The following IGSF9B variants were observed in gnomAD, a reference collection of about 807,000 sequenced individuals.
IGSF9B encodes the protein immunoglobulin superfamily member 9B.
A neutral mutation model predicts 143.7 loss-of-function variants in IGSF9B; 48 were observed. That is an observed-to-expected ratio of 0.33 (90% CI 0.26 to 0.42). The LOEUF (loss-of-function observed/expected upper bound fraction) is 0.42. Ranked by LOEUF, IGSF9B falls within the 20% of genes least tolerant of loss-of-function variation. IGSF9B has a pLI of 1.00. For synonymous variants in IGSF9B, 903 were observed against 833.1 expected (o/e 1.08, Z -1.44); for missense variants, 1,706 against 1,980.0 (o/e 0.86, Z 2.63).
At chr11:133,943,901 C>G (rs1453345144) in intron 3 of IGSF9B, among the ~76,000 whole-genome samples, 1 of 152,172 alleles carries the variant, frequency 6.6e-6, no homozygotes, top group Non-Finnish European at 1.5e-5. Context: ...CAGCGGTGAC[C>G]CATTTTGCCA....
chr11:133,927,473 C>A (rs1195207783), intron 12 of IGSF9B, among the ~76,000 whole-genome samples: 3 of 152,194 alleles, frequency 2.0e-5, no homozygotes, highest in Non-Finnish European at 4.4e-5. Context: ...TCAACAGTGG[C>A]AGGATGAGGG....
rs1280952945 is a variant in IGSF9B, at chr11:133,931,077, G to A, written c.1426C>T (p.Arg476Cys). 9 of 1,613,684 alleles carry A rather than the reference G, an allele frequency of 5.6e-6. No individual in the cohort carries two copies. The highest frequency in any genetic ancestry group is 5.5e-5 in the South Asian group (5 of 91,086). The change falls in exon 11 of 20, where the codon CGT (arginine) becomes TGT (cysteine). Residue 476 changes from arginine (R) to cysteine (C), a missense_variant. Arg to Cys is a radical substitution (Grantham distance 180). This residue lies in a region of IGSF9B where 238 missense variants were observed against 452.6 expected (regional missense o/e 0.53). Coordinates refer to ENST00000533871, the MANE Select transcript of IGSF9B (RefSeq NM_001277285.4). This position sits in a 1 kb window ranked among gnomAD's most constrained non-coding sequence, Gnocchi z 7.7. ...CCGTGGTCCTCCTTACTCAGGGCAC[G>A]GAACTGCAGGCTCCCACTGGGCAGG... is the stretch of plus-strand genomic sequence containing the variant. ...SALPSGSLQF[R>C]ALSKEDHGEW...
intron 3 of IGSF9B, among the ~76,000 whole-genome samples, chr11:133,941,908 G>A (rs1939961495): frequency 6.6e-6 from 1 of 152,170 alleles, no homozygotes; most frequent in Non-Finnish European, 1.5e-5. Context: ...CTTCAGAGAA[G>A]TTCTCCCTCC....
chr11:133,912,425 G>A (rs978044998), intron 18 of IGSF9B: 8 of 454,436 alleles, frequency 1.8e-5, no homozygotes, highest in Non-Finnish European at 3.1e-5. Flanking sequence ...AGAGCAGGGG[G>A]CAAGCAGCTC....
rs558372754 is a variant in IGSF9B at position 133,931,519 on chromosome 11, G to A, written c.1302C>T (p.Ala434=). The A allele has an allele frequency of 2.9e-5, 47 of 1,613,258 alleles. No individual in the cohort carries two copies. Among genetic ancestry groups the A allele is most frequent in the South Asian group, 1.2e-4 (11 of 91,074 alleles). Residue 434 remains alanine (A), a synonymous_variant, in exon 10 of 20, where the codon GCC becomes GCT. Coordinates refer to ENST00000533871, the MANE Select transcript of IGSF9B (RefSeq NM_001277285.4). This position sits in a 1 kb window ranked among gnomAD's most constrained non-coding sequence, Gnocchi z 7.7. Reference sequence around the variant, plus strand: ...CACAGGGGATAAGTAGCTCCCGGCCGGCCTCCTGCCTGTACTCCCAGCCTG... The same window carrying A: ...CACAGGGGATAAGTAGCTCCCGGCCAGCCTCCTGCCTGTACTCCCAGCCTG... ...VLPGWEYRQE[A]GRELLIPCAA...
At chr11:133,936,271 A>G (rs1939821420) in intron 5 of IGSF9B, 77 bp from the exon 6 acceptor site, 31 of 1,397,308 alleles carry the variant, frequency 2.2e-5, no homozygotes, top group Non-Finnish European at 3.1e-5. Context: ...GGGAGCCCTC[A>G]GTGCCTCAGG....
In IGSF9B at chr11:133,956,802, CGCGCCCGCACGCGCCTCGCGCCCGA is replaced by C. The variant is rs772009326; in HGVS notation, c.-73_-49del. 7 of 1,204,880 alleles carry C rather than the reference CGCGCCCGCACGCGCCTCGCGCCCGA, an allele frequency of 5.8e-6. No individual in the cohort carries two copies. Among genetic ancestry groups the C allele is most frequent in the Non-Finnish European group, 7.8e-6 (7 of 901,640 alleles). 74.6% of individuals were successfully genotyped at this position (1,204,880 alleles called of 1,614,324 possible). ...GCCTCATCCTATCGCAAAGTGCTCC[CGCGCCCGCACGCGCCTCGCGCCCGA>C]GCGCCCGCCTCGCGCCCGCCTCGCG... On this transcript the variant is annotated 5_prime_UTR_variant, in exon 1 of 20. Coordinates refer to ENST00000533871, the MANE Select transcript of IGSF9B (RefSeq NM_001277285.4).
chr11:133,925,049 G>T, intron 14 of IGSF9B, 145 bp from the exon 15 acceptor site: 1 of 677,200 alleles, frequency 1.5e-6, no homozygotes. Context: ...CTAAGCGATG[G>T]TAGCACTGGC....
chr11:133,934,210 G>C (rs1939782417), intron 7 of IGSF9B, among the ~76,000 whole-genome samples: 1 of 152,224 alleles, frequency 6.6e-6, no homozygotes, highest in African/African-American at 2.4e-5. Context: ...CAGAAAGACA[G>C]ATGGCCTATG....
chr11:133,946,778 C>G (rs545877533), intron 1 of IGSF9B, among the ~76,000 whole-genome samples: 1 of 152,354 alleles, frequency 6.6e-6, no homozygotes, highest in African/African-American at 2.4e-5. Context: ...TCCACCCCAC[C>G]CCCAGCTCAG....
chr11:133,913,728 G>A lies in IGSF9B; in HGVS notation c.3984-1721C>T, dbSNP rs1054668288. On this transcript the variant is annotated intron_variant, in intron 18 of 19. Coordinates refer to ENST00000533871, the MANE Select transcript of IGSF9B (RefSeq NM_001277285.4). The surrounding 1 kb of genome is among the most constrained non-coding windows in gnomAD (Gnocchi z 4.6). ...GCGCAGCAGCAGCTGGGAAGGAAGCGGGAAGGCAGACAAAGGGTGCAGGTG... is the reference window on the plus strand; with the variant it reads ...GCGCAGCAGCAGCTGGGAAGGAAGCAGGAAGGCAGACAAAGGGTGCAGGTG... Among the ~76,000 whole-genome samples, 2 of 152,202 alleles carry A rather than the reference G, an allele frequency of 1.3e-5. No homozygotes were observed. The highest frequency in any genetic ancestry group is 1.9e-4 in the East Asian group (1 of 5,194).
rs556725774 is a variant in IGSF9B at position 133,953,178 on chromosome 11, C to G, written c.64+3513G>C. Among the ~76,000 whole-genome samples, 96 of 152,284 alleles carry G rather than the reference C, an allele frequency of 6.3e-4. No homozygotes were observed. The highest frequency in any genetic ancestry group is 2.3e-3 in the African/African-American group (94 of 41,556). ...GGCTCAGAATCTTCCAGCGAGGCAG[C>G]CTCTGCTCCTCTGTAACCAGATTCC... On this transcript the variant is annotated intron_variant, in intron 1 of 19. Transcript: ENST00000533871. This position sits in a 1 kb window ranked among gnomAD's most constrained non-coding sequence, Gnocchi z 4.2.
At chr11:133,951,003 G>T (rs1940147929) in intron 1 of IGSF9B, among the ~76,000 whole-genome samples, 1 of 152,054 alleles carries the variant, frequency 6.6e-6, no homozygotes, top group Non-Finnish European at 1.5e-5. Context: ...TCCAAAAAAG[G>T]CACAGCCCCC....
At chr11:133,935,104 C>T (rs974813294) in intron 7 of IGSF9B, among the ~76,000 whole-genome samples, 6 of 152,192 alleles carry the variant, frequency 3.9e-5, no homozygotes, top group African/African-American at 1.4e-4. Context: ...GATCTCCAGC[C>T]ACCCAAGGGG....
chr11:133,926,544 C>T (rs754136158), intron 13 of IGSF9B, among the ~76,000 whole-genome samples: 12 of 152,234 alleles, frequency 7.9e-5, no homozygotes, highest in African/African-American at 1.2e-4. Context: ...GACTCTGCAG[C>T]GGGAGGCAGC....
intron 1 of IGSF9B, among the ~76,000 whole-genome samples, chr11:133,946,860 G>A (rs562737455): frequency 6.6e-6 from 1 of 152,308 alleles, no homozygotes; most frequent in Non-Finnish European, 1.5e-5. Context: ...CTCAGCCGAG[G>A]CTGCTCGTGG....
chr11:133,916,059 C>G (rs1939374813), intron 18 of IGSF9B, among the ~76,000 whole-genome samples: 1 of 152,158 alleles, frequency 6.6e-6, no homozygotes, highest in African/African-American at 2.4e-5. Context: ...TGACCCAGGA[C>G]AGGGGCCACT....
rs1362581726 is a variant in IGSF9B at position 133,905,025 on chromosome 11, T to C, written c.*4044A>G. 1.3e-5 allele frequency among the ~76,000 whole-genome samples: 2 copies of C among 149,662 alleles called. No individual in the cohort carries two copies. The highest frequency in any genetic ancestry group is 3.0e-5 in the Non-Finnish European group (2 of 67,602). ...AAGCCCCGGTGGGAATGTGCACAGCTCCTAGAGTACCACAGAGGCTGGACT... is the reference window on the plus strand; with the variant it reads ...AAGCCCCGGTGGGAATGTGCACAGCCCCTAGAGTACCACAGAGGCTGGACT... On this transcript the variant is annotated 3_prime_UTR_variant, in exon 20 of 20. Coordinates refer to ENST00000533871, the MANE Select transcript of IGSF9B (RefSeq NM_001277285.4). This position sits in a 1 kb window ranked among gnomAD's most constrained non-coding sequence, Gnocchi z 4.0.
Position 133,937,943 on chromosome 11 carries a change from T to C in IGSF9B, c.428A>G (p.Glu143Gly). 5.6e-6 allele frequency: 9 copies of C among 1,613,416 alleles called. No individual in the cohort carries two copies. The highest frequency in any genetic ancestry group is 7.6e-6 in the Non-Finnish European group (9 of 1,179,720). ...GGCCTCGATGTACTGGGGGGGTGTTTCTGTAAAGGTGGGAGGGGCTGCAAA... is the reference window on the plus strand; with the variant it reads ...GGCCTCGATGTACTGGGGGGGTGTTCCTGTAAAGGTGGGAGGGGCTGCAAA... ...LTINAPPTFT[E>G]TPPQYIEAKE... Residue 143 changes from glutamate to glycine, a missense_variant, in exon 4 of 20, where the codon GAA (glutamate) becomes GGA (glycine). Coordinates refer to ENST00000533871, the MANE Select transcript of IGSF9B (RefSeq NM_001277285.4).
Sources: gnomAD v4.1 joint callset for allele counts (sites outside exome capture counted in the v4.1 genomes callset) on GRCh38, gnomAD v4.1.1 for gene constraint, gnomAD v4.1.1 regional missense constraint, Gnocchi (gnomAD v3.1) non-coding constraint, MANE v1.5 for transcripts, NCBI Gene and HGNC (gene_info 2026-07-23, HGNC 2026-07-21) for gene names.